Variants in CLIP4 observed in about 807,000 individuals in gnomAD.
CLIP4 encodes CAP-Gly domain-containing linker protein 4.
A neutral mutation model predicts 73.1 loss-of-function variants in CLIP4; 47 were observed. The ratio of observed to expected loss-of-function variants is 0.64; its 90% confidence interval spans 0.51 to 0.82. The LOEUF (loss-of-function observed/expected upper bound fraction) is 0.82. Among genes scored for constraint, CLIP4 ranks in the 40% least tolerant of loss-of-function variants. CLIP4 has a pLI of 0.00. For synonymous variants in CLIP4, 306 were observed against 295.4 expected (o/e 1.04, Z -0.37); for missense variants, 874 against 852.9 (o/e 1.02, Z -0.31).
chr2:29,111,710 T>C (rs1349341593), upstream of CLIP4, among the ~76,000 whole-genome samples: 1 of 152,270 alleles, frequency 6.6e-6, no homozygotes. Flanking sequence ...ACATAGCACA[T>C]GTTTTCTTCC....
chr2:29,157,728 A>G (rs1388453136), intron 11 of CLIP4, among the ~76,000 whole-genome samples: 1 of 152,198 alleles, frequency 6.6e-6, no homozygotes, highest in Non-Finnish European at 1.5e-5. Context: ...CAGGATGGCA[A>G]TACCAGCCAG....
At chr2:29,098,131 G>A (rs960863570) in intron 1 of CLIP4, among the ~76,000 whole-genome samples, 4 of 152,206 alleles carry the variant, frequency 2.6e-5, no homozygotes, top group Non-Finnish European at 5.9e-5. Context: ...GCAACCTTTT[G>A]TACGTAATGG....
At chr2:29,112,141 C>A (rs758634330), upstream of CLIP4, among the ~76,000 whole-genome samples, 1 of 152,180 alleles carries the variant, frequency 6.6e-6, no homozygotes, top group Non-Finnish European at 1.5e-5. Flanking sequence ...TGTTCCTATA[C>A]CAGTACCATA....
rs371794836 is a variant in CLIP4, at chr2:29,128,501, A to C, written c.134-2757A>C. On this transcript the variant is annotated intron_variant, in intron 2 of 15. Transcript: ENST00000320081. ...TTGAGAGAGAAACTTAATCAAAGACAGCACGAAGCACATGAAATTATCTTG... is the reference window on the plus strand; with the variant it reads ...TTGAGAGAGAAACTTAATCAAAGACCGCACGAAGCACATGAAATTATCTTG... Among the ~76,000 whole-genome samples the C allele has an allele frequency of 9.6e-4, 145 of 151,634 alleles. 1 individual carries two copies. The highest frequency in any genetic ancestry group is 4.8e-3 in the South Asian group (23 of 4,828).
intron 15 of CLIP4, among the ~76,000 whole-genome samples, chr2:29,180,263 C>T (rs116404812): frequency 5.9e-4 from 90 of 152,130 alleles, no homozygotes; most frequent in African/African-American, 2.1e-3. Context: ...GCGACAAGAC[C>T]CTGGTCATGT....
upstream of CLIP4, among the ~76,000 whole-genome samples, chr2:29,112,781 T>C (rs923918058): frequency 3.9e-5 from 6 of 152,256 alleles, no homozygotes; most frequent in Non-Finnish European, 7.3e-5. Context: ...ATTCTGACAG[T>C]TGGGTGTCTC....
At position 29,181,809 on chromosome 2, in the gene CLIP4, G is replaced by A. The variant is rs767580934; in HGVS notation, c.2034G>A (p.Lys678=). The change falls in exon 16 of 16, where the codon AAG becomes AAA. Residue 678 remains lysine (K), a synonymous_variant. Coordinates refer to ENST00000320081, the MANE Select transcript of CLIP4 (RefSeq NM_024692.6). ...SVGDKRYFTC[K]PNHGVLVRPS... ...GTGACAAGCGCTATTTCACCTGTAA[G>A]CCGAACCATGGAGTCTTAGTTCGAC... The A allele has an allele frequency of 6.2e-7, 1 of 1,614,190 alleles. No individual in the cohort carries two copies.
chr2:29,157,215 G>C lies in CLIP4; in HGVS notation c.1267G>C (p.Gly423Arg), dbSNP rs1345287172. The C allele has an allele frequency of 8.7e-6, 14 of 1,613,834 alleles. No individual in the cohort carries two copies. The highest frequency in any genetic ancestry group is 1.1e-5 in the Non-Finnish European group (13 of 1,179,902). The change falls in exon 11 of 16, where the codon GGA becomes CGA. Residue 423 changes from glycine (G) to arginine (R), a missense_variant. Transcript: ENST00000320081. ...TTTATCTGTTACAGTTGCCCTGCTTGGATCTGTCAGCAGCTGCTCCTCTAC... is the reference window on the plus strand; with the variant it reads ...TTTATCTGTTACAGTTGCCCTGCTTCGATCTGTCAGCAGCTGCTCCTCTAC... ...TVTEKDVALL[G>R]SVSSCSSTSS...
intron 14 of CLIP4, among the ~76,000 whole-genome samples, chr2:29,170,809 T>TC (rs1213799571): frequency 6.6e-6 from 1 of 152,170 alleles, no homozygotes; most frequent in African/African-American, 2.4e-5. Context: ...TTTTTTTTTT[T>TC]CACATGTGAA....
At chr2:29,128,434 T>TAA (rs199882141) in intron 2 of CLIP4, among the ~76,000 whole-genome samples, 2 of 149,926 alleles carry the variant, frequency 1.3e-5, no homozygotes, top group African/African-American at 4.9e-5. Flanking sequence ...ATGTAGTTGT[T>TAA]AAAAAAAACA....
intron 7 of CLIP4, among the ~76,000 whole-genome samples, chr2:29,144,798 CTTTTTTTTTTTT>C (rs34304199): frequency 1.2e-5 from 1 of 84,288 alleles, no homozygotes; most frequent in Non-Finnish European, 2.2e-5. Context: ...AGTTATATCC[CTTTTTTTTTTTT>C]TTTTTTTTTT....
chr2:29,171,664 A>G (rs1187964985), intron 14 of CLIP4, among the ~76,000 whole-genome samples: 3 of 151,720 alleles, frequency 2.0e-5, no homozygotes, highest in Non-Finnish European at 4.4e-5. Flanking sequence ...GACTACAGGC[A>G]CCCACCACCA....
Position 29,132,026 on chromosome 2 carries a change from C to T in CLIP4, c.274-126C>T, listed in dbSNP as rs1258854200. The T allele has an allele frequency of 6.1e-6, 4 of 651,954 alleles. No individual in the cohort carries two copies. In the East Asian group the frequency reaches 1.1e-4, roughly 18 times the overall value. The allele number at this position is 651,954 out of a possible 1,614,324, so 40.4% of individuals were successfully genotyped here. A position where few individuals can be genotyped will look rare whatever the true frequency, so the allele number is the denominator to read the frequency against. On this transcript the variant is annotated intron_variant, in intron 3 of 15. Coordinates refer to ENST00000320081, the MANE Select transcript of CLIP4 (RefSeq NM_024692.6). ...AATTTACCCTTAAGATATGCTCATA[C>T]TGTCTATACATTTTACTGAGAAGTA...
intron 15 of CLIP4, among the ~76,000 whole-genome samples, chr2:29,179,112 G>A (rs1668509700): frequency 6.6e-6 from 1 of 152,258 alleles, no homozygotes; most frequent in Non-Finnish European, 1.5e-5. Context: ...TTCAGTTTAT[G>A]CATTAAAGGT....
In CLIP4 at chr2:29,130,846, A is replaced by G. The variant is rs940357349; in HGVS notation, c.134-412A>G. The G allele has an allele frequency of 1.2e-5, 16 of 1,289,572 alleles. No individual in the cohort carries two copies. The Admixed American group carries it at 3.4e-4, about 28-fold the overall frequency. The allele number at this position is 1,289,572 out of a possible 1,614,324, so 79.9% of individuals were successfully genotyped here. On this transcript the variant is annotated intron_variant, in intron 2 of 15. Transcript: ENST00000320081. ...AAGCAAAAACAAAAAAACCTCAATG[A>G]GTCCCACTACTTATGCATGCTGTTA...
At chr2:29,141,614 TA>T (rs2147986261) in intron 6 of CLIP4, among the ~76,000 whole-genome samples, 1 of 152,360 alleles carries the variant, frequency 6.6e-6, no homozygotes, top group East Asian at 1.9e-4. Context: ...TGGCTTAAAG[TA>T]TGTTTAATAG....
rs1277232546 is a variant in CLIP4, at chr2:29,157,303, A to G, written c.1355A>G (p.Lys452Arg). The change falls in exon 11 of 16, where the codon AAG becomes AGG. Residue 452 changes from lysine to arginine, a missense_variant. By Grantham distance (26) the Lys-to-Arg change is conservative. Coordinates refer to ENST00000320081, the MANE Select transcript of CLIP4 (RefSeq NM_024692.6). ...CAGAATGCAATCAGCAGTAACAAGA[A>G]GACAATGAGCAAAAGCCCTTCCCTT... ...KKQNAISSNK[K>R]TMSKSPSLSS... is the part of the protein sequence containing the mutation. 1 of 1,614,172 alleles carries G rather than the reference A, an allele frequency of 6.2e-7. No individual in the cohort carries two copies. The highest frequency in any genetic ancestry group is 1.3e-5 in the African/African-American group (1 of 75,062).
chr2:29,138,973 C>T (rs9967906), intron 6 of CLIP4, among the ~76,000 whole-genome samples: 14,691 of 152,054 alleles, frequency 0.097, 765 homozygotes, highest in African/African-American at 0.11. Context: ...CTCCTCTTTT[C>T]CTATTTGGGT....
At chr2:29,168,180 G>A (rs1667751420) in intron 14 of CLIP4, among the ~76,000 whole-genome samples, 1 of 152,076 alleles carries the variant, frequency 6.6e-6, no homozygotes, top group South Asian at 2.1e-4. Context: ...GGGCTTAAAT[G>A]GTATTTCATT....
Sources: allele counts gnomAD v4.1 joint callset (sites outside exome capture counted in the v4.1 genomes callset), GRCh38; gene constraint gnomAD v4.1.1; transcripts MANE v1.5; gene names NCBI Gene and HGNC (gene_info 2026-07-23, HGNC 2026-07-21).